Variants in MOSPD2 observed in about 807,000 individuals in gnomAD.
MOSPD2 encodes the protein motile sperm domain-containing protein 2.
A neutral mutation model predicts 41.7 loss-of-function variants in MOSPD2; 5 were observed. That is an observed-to-expected ratio of 0.12 (90% CI 0.06 to 0.25). The LOEUF is 0.25. MOSPD2 is among the 10% of genes least tolerant of loss of function. The probability of loss-of-function intolerance (pLI) is 1.00; values close to 1 mark genes in which losing one functional copy is unlikely to be tolerated. For synonymous variants in MOSPD2, 115 were observed against 126.9 expected (o/e 0.91, Z 0.63); for missense variants, 282 against 375.2 (o/e 0.75, Z 2.05).
intron 8 of MOSPD2, among the ~76,000 whole-genome samples, chrX:14,909,807 T>G (rs2092588467): frequency 8.9e-6 from 1 of 111,743 alleles, no homozygotes; most frequent in Non-Finnish European, 1.9e-5. Context: ...TGTCTTTGAT[T>G]AGAAAAGACC....
Position 14,899,565 on chromosome X carries a change from TACACACAC to T in MOSPD2, c.478-976_478-969del, listed in dbSNP as rs59555716. On this transcript the variant is annotated intron_variant, in intron 5 of 14. Coordinates refer to ENST00000380492, the MANE Select transcript of MOSPD2 (RefSeq NM_152581.4). ...ATTTTATATATATATATTATATACA[TACACACAC>T]ACACACACACACACACACACACACA... 4.2e-3 allele frequency among the ~76,000 whole-genome samples: 337 copies of T among 81,044 alleles called. 1 individual carries two copies. The highest frequency in any genetic ancestry group is 0.013 in the Middle Eastern group (2 of 153). 70.4% of individuals were successfully genotyped at this position (81,044 alleles called of 115,157 possible).
Position 14,919,692 on chromosome X carries a change from C to T in MOSPD2, c.1440C>T (p.Ser480=), listed in dbSNP as rs2092606118. 1 of 1,207,597 alleles carries T rather than the reference C, an allele frequency of 8.3e-7. No homozygotes were observed. Among genetic ancestry groups the T allele is most frequent in the South Asian group, 1.8e-5 (1 of 56,492 alleles). The change falls in exon 15 of 15, where the codon AGC becomes AGT. Residue 480 remains serine, a synonymous_variant. Coordinates refer to ENST00000380492, the MANE Select transcript of MOSPD2 (RefSeq NM_152581.4). ...TTCAGCTCAGTCGTTTACTAGAAAGCAATAGGAAGCTTGAAGACCAAGTTC... is the reference window on the plus strand; with the variant it reads ...TTCAGCTCAGTCGTTTACTAGAAAGTAATAGGAAGCTTGAAGACCAAGTTC... ...ICLQLSRLLE[S]NRKLEDQVQR... is the part of the protein sequence containing the mutation.
In MOSPD2 at chrX:14,919,855, G is replaced by A. The variant is rs746779550; in HGVS notation, c.*46G>A. 1.7e-6 allele frequency: 2 copies of A among 1,167,564 alleles called. No homozygotes were observed. Among genetic ancestry groups the A allele is most frequent in the Non-Finnish European group, 2.3e-6 (2 of 875,100 alleles). The stretch of plus-strand genomic sequence containing the variant: ...ACCACGGTTCCTTCGTCCATTAGTT[G>A]GAAAAAGTAACAGACCTAAAACTCT... On this transcript the variant is annotated 3_prime_UTR_variant, in exon 15 of 15. Coordinates refer to ENST00000380492, the MANE Select transcript of MOSPD2 (RefSeq NM_152581.4).
rs1301363969 is a variant in MOSPD2 at position 14,902,985 on chromosome X, T to C, written c.558T>C (p.Asp186=). Residue 186 remains aspartate (D), a synonymous_variant, in exon 7 of 15, where the codon GAT becomes GAC. Coordinates refer to ENST00000380492, the MANE Select transcript of MOSPD2 (RefSeq NM_152581.4). Reference sequence around the variant, plus strand: ...TTTCAGCAAAAATAGTGATCTTTGATATGCCTTGGTTAATGAATGGTGAGT... The same window carrying C: ...TTTCAGCAAAAATAGTGATCTTTGACATGCCTTGGTTAATGAATGGTGAGT... ...PKYLSKIVIF[D]MPWLMNAAFK... The C allele has an allele frequency of 8.6e-7, 1 of 1,159,570 alleles. No homozygotes were observed.
chrX:14,919,498 C>G (rs1313551734), intron 14 of MOSPD2, among the ~76,000 whole-genome samples, 174 bp from the exon 15 acceptor site: 1 of 111,979 alleles, frequency 8.9e-6, no homozygotes, highest in African/African-American at 3.2e-5. Context: ...ATAGACATAT[C>G]TGTCCACCAA....
Position 14,920,410 on chromosome X carries a change from AGT to A in MOSPD2, c.*604_*605del. ...CAAACCACCTTAACCTTTGTTTCTC[AGT>A]GTTCCTTAACAGCCTGCCTTTTATT... is the stretch of plus-strand genomic sequence containing the variant. On this transcript the variant is annotated 3_prime_UTR_variant, in exon 15 of 15. Coordinates refer to ENST00000380492, the MANE Select transcript of MOSPD2 (RefSeq NM_152581.4). The A allele has an allele frequency of 1.3e-6, 1 of 754,657 alleles. No homozygotes were observed. The highest frequency in any genetic ancestry group is 1.6e-6 in the Non-Finnish European group (1 of 639,172). The allele number at this position is 754,657 out of a possible 1,213,427, so 62.2% of individuals were successfully genotyped here. A position where few individuals can be genotyped will look rare whatever the true frequency, so the allele number is the denominator to read the frequency against.
At chrX:14,888,872 C>T (rs1353027205) in intron 2 of MOSPD2, among the ~76,000 whole-genome samples, 2 of 111,162 alleles carry the variant, frequency 1.8e-5, no homozygotes, top group East Asian at 5.7e-4. Flanking sequence ...TTGTCTTAGT[C>T]CGTTCTGTGA....
In MOSPD2 at chrX:14,921,634, A is replaced by G. The variant is rs969389577; in HGVS notation, c.*1825A>G. 1 of 256,348 alleles carries G rather than the reference A, an allele frequency of 3.9e-6. No individual in the cohort carries two copies. The highest frequency in any genetic ancestry group is 6.9e-6 in the Non-Finnish European group (1 of 145,311). The allele number at this position is 256,348 out of a possible 1,213,427, so 21.1% of individuals were successfully genotyped here. On this transcript the variant is annotated 3_prime_UTR_variant, in exon 15 of 15. Coordinates refer to ENST00000380492, the MANE Select transcript of MOSPD2 (RefSeq NM_152581.4). ...ATGAAAAATTATGTTGACCCACTAA[A>G]ATATCCTTGCTCAATGTCTGGTCAG...
chrX:14,886,470 C>CCTTGA (rs1202696097), intron 2 of MOSPD2, among the ~76,000 whole-genome samples: 1 of 108,373 alleles, frequency 9.2e-6, no homozygotes, highest in African/African-American at 3.4e-5. Flanking sequence ...TTTGTATGAC[C>CCTTGA]CTTGAGCCGA....
intron 7 of MOSPD2, among the ~76,000 whole-genome samples, chrX:14,903,687 G>C (rs144542407): frequency 3.6e-4 from 40 of 112,412 alleles, no homozygotes; most frequent in African/African-American, 1.2e-3. Flanking sequence ...GCAAAAGTCA[G>C]TTGTTACATA....
In MOSPD2 at chrX:14,920,982, T is replaced by C. The variant is rs1334600303; in HGVS notation, c.*1173T>C. On this transcript the variant is annotated 3_prime_UTR_variant, in exon 15 of 15. Coordinates refer to ENST00000380492, the MANE Select transcript of MOSPD2 (RefSeq NM_152581.4). ...GTGAAACCTTCAAACTAGGACCAATTGACTTACTTGATATTCTGCCTTTGA... is the reference window on the plus strand; with the variant it reads ...GTGAAACCTTCAAACTAGGACCAATCGACTTACTTGATATTCTGCCTTTGA... 1.3e-6 allele frequency: 1 copy of C among 755,336 alleles called. No individual in the cohort carries two copies. The highest frequency in any genetic ancestry group is 2.3e-5 in the African/African-American group (1 of 43,847). The allele number at this position is 755,336 out of a possible 1,213,427, so 62.2% of individuals were successfully genotyped here.
intron 2 of MOSPD2, among the ~76,000 whole-genome samples, chrX:14,888,195 TAC>T (rs773623825): frequency 0.1 from 9,123 of 88,688 alleles, 573 homozygotes; most frequent in African/African-American, 0.25. Context: ...GGAGAATATA[TAC>T]ACACACACGC....
In MOSPD2 at chrX:14,895,127, TTTAG is replaced by T. The variant is rs377442256; in HGVS notation, c.236-178_236-175del. On this transcript the variant is annotated intron_variant, in intron 3 of 14. Transcript: ENST00000380492. The stretch of plus-strand genomic sequence containing the variant: ...TCCATTTTGGTCCCCTGTGTCATTA[TTTAG>T]TTTGTTTGCTTGGTAGGAAGCACCA... Among the ~76,000 whole-genome samples, 286 of 112,330 alleles carry T rather than the reference TTTAG, an allele frequency of 2.5e-3. 2 individuals carry two copies. The highest frequency in any genetic ancestry group is 8.5e-3 in the African/African-American group (264 of 30,962).
rs1012271887 is a variant in MOSPD2, at chrX:14,892,095, A to G, written c.80-628A>G. ...TCTGTAGTGGCTTACTTAAACCTGC[A>G]GTCTTTAGATAACGCATTCTCCTCA... On this transcript the variant is annotated intron_variant, in intron 2 of 14. Coordinates refer to ENST00000380492, the MANE Select transcript of MOSPD2 (RefSeq NM_152581.4). 8.6e-4 allele frequency among the ~76,000 whole-genome samples: 96 copies of G among 111,893 alleles called. 1 individual carries two copies. The Admixed American group carries it at 9.0e-3, about 11-fold the overall frequency.
intron 2 of MOSPD2, among the ~76,000 whole-genome samples, chrX:14,875,460 G>A (rs750282123): frequency 1.8e-5 from 2 of 112,039 alleles, no homozygotes; most frequent in African/African-American, 3.2e-5. Context: ...AGTAAGATAC[G>A]TGTTATATGT....
chrX:14,922,135 A>G lies in MOSPD2; in HGVS notation c.*2326A>G, dbSNP rs2092610861. 1 of 111,656 alleles carries G rather than the reference A, an allele frequency of 9.0e-6. No homozygotes were observed. Among genetic ancestry groups the G allele is most frequent in the Non-Finnish European group, 1.9e-5 (1 of 53,158 alleles). The allele number at this position is 111,656 out of a possible 1,213,427, so 9.2% of individuals were successfully genotyped here. A position where few individuals can be genotyped will look rare whatever the true frequency, so the allele number is the denominator to read the frequency against. On this transcript the variant is annotated 3_prime_UTR_variant, in exon 15 of 15. Transcript: ENST00000380492. ...GCACTTTATTGTACAACTACAAAAA[A>G]AAATATATTCCTAGAATTGTTGCCA...
intron 8 of MOSPD2, among the ~76,000 whole-genome samples, chrX:14,910,623 A>C (rs1002275190): frequency 1.3e-4 from 15 of 111,598 alleles, no homozygotes; most frequent in African/African-American, 4.9e-4. Context: ...CTCCTAGAAA[A>C]AAATCTGTGA....
chrX:14,888,229 C>T (rs2092546155), intron 2 of MOSPD2, among the ~76,000 whole-genome samples: 1 of 97,915 alleles, frequency 1.0e-5, no homozygotes, highest in Non-Finnish European at 1.9e-5. Context: ...CACACACACA[C>T]ACACACACAC....
intron 2 of MOSPD2, among the ~76,000 whole-genome samples, chrX:14,888,206 GCACACACACACACACACACACACACA>G (rs775166629): frequency 1.8e-5 from 1 of 56,753 alleles, no homozygotes; most frequent in African/African-American, 4.9e-5. Context: ...ACACACACAC[GCACACACACACACACACACACACACA>G]CACACACACA....
Sources: gnomAD v4.1 joint callset for allele counts (sites outside exome capture counted in the v4.1 genomes callset) on GRCh38, gnomAD v4.1.1 for gene constraint, MANE v1.5 for transcripts, NCBI Gene and HGNC (gene_info 2026-07-23, HGNC 2026-07-21) for gene names.